The following ASXL3 variants were observed in gnomAD, a reference collection of about 807,000 sequenced individuals.
The protein encoded by ASXL3 is ASXL transcriptional regulator 3.
Under a neutral mutation model 170.6 loss-of-function variants are expected in ASXL3, and 34 were observed. The observed-to-expected ratio is 0.20, with a 90% CI of 0.15 to 0.27. ASXL3 has a LOEUF of 0.27. ASXL3 is among the 10% of genes least tolerant of loss of function. The probability of loss-of-function intolerance (pLI) is 1.00; values close to 1 mark genes in which losing one functional copy is unlikely to be tolerated. For synonymous variants in ASXL3, 1,002 were observed against 989.1 expected (o/e 1.01, Z -0.24); for missense variants, 2,592 against 2,695.3 (o/e 0.96, Z 0.85).
intron 7 of ASXL3, among the ~76,000 whole-genome samples, chr18:33,677,756 T>C (rs1263290911): frequency 6.6e-6 from 1 of 152,220 alleles, no homozygotes; most frequent in Non-Finnish European, 1.5e-5. Flanking sequence ...CATGTAGACT[T>C]TTTACACAAT....
intron 8 of ASXL3, among the ~76,000 whole-genome samples, chr18:33,708,976 T>C (rs2067008867): frequency 6.6e-6 from 1 of 152,184 alleles, no homozygotes; most frequent in African/African-American, 2.4e-5. Context: ...TGGGAAAACA[T>C]ACATGAGGTA....
intron 8 of ASXL3, among the ~76,000 whole-genome samples, chr18:33,714,637 C>G (rs1379128014): frequency 6.6e-6 from 1 of 152,020 alleles, no homozygotes; most frequent in Non-Finnish European, 1.5e-5. Flanking sequence ...ATTCTGTCCA[C>G]GTTTTCCCCA....
In ASXL3 at chr18:33,742,085, G is replaced by A. The variant is rs78592737; in HGVS notation, c.3040-803G>A. 3.1e-3 allele frequency among the ~76,000 whole-genome samples: 468 copies of A among 152,310 alleles called. 8 individuals carry two copies. The highest frequency in any genetic ancestry group is 0.022 in the Admixed American group (335 of 15,304). On this transcript the variant is annotated intron_variant, in intron 11 of 11. Transcript: ENST00000269197. ...CCAATATCAAAAGAAACTGCCCAAT[G>A]CATAAATCCTTTAGAGACAGAAAAT...
chr18:33,598,360 T>A (rs553560725), intron 1 of ASXL3, among the ~76,000 whole-genome samples: 2 of 152,322 alleles, frequency 1.3e-5, no homozygotes, highest in African/African-American at 4.8e-5. Flanking sequence ...ACTTATTATA[T>A]GTCCCATGTT....
intron 8 of ASXL3, among the ~76,000 whole-genome samples, chr18:33,699,255 A>G (rs1166671223): frequency 4.6e-5 from 7 of 152,210 alleles, no homozygotes; most frequent in Non-Finnish European, 1.0e-4. Flanking sequence ...CATTGTAAAT[A>G]TCTTCAGATA....
rs79677435 is a variant in ASXL3 at position 33,647,310 on chromosome 18, G to A, written c.355+957G>A. On this transcript the variant is annotated intron_variant, in intron 4 of 11. Coordinates refer to ENST00000269197, the MANE Select transcript of ASXL3 (RefSeq NM_030632.3). ...ACCCTGTAAGACTGTTACTGCTTCCGTTCCTCTCTGATCTGTAGCAAAGGT... is the reference window on the plus strand; with the variant it reads ...ACCCTGTAAGACTGTTACTGCTTCCATTCCTCTCTGATCTGTAGCAAAGGT... Among the ~76,000 whole-genome samples the A allele has an allele frequency of 2.0e-4, 30 of 152,144 alleles. No homozygotes were observed. The East Asian group carries it at 5.6e-3, about 29-fold the overall frequency.
intron 2 of ASXL3, among the ~76,000 whole-genome samples, chr18:33,644,462 C>G (rs1006223513): frequency 1.5e-4 from 22 of 150,110 alleles, no homozygotes; most frequent in Admixed American, 6.7e-4. Flanking sequence ...TGCTCTTGAA[C>G]TTGGTGGGTT....
In ASXL3 at chr18:33,740,287, A is replaced by C; in HGVS notation, c.2883A>C (p.Ile961=). Residue 961 remains isoleucine (I), a synonymous_variant, in exon 11 of 12, where the codon ATA becomes ATC. Transcript: ENST00000269197. ...GAAATGAAAGTAGAGATTCAGAGAT[A>C]TCAAAGAGAAAAACTGCAGAGCAAC... ...GIRNESRDSE[I]SKRKTAEQHS... is the part of the protein sequence containing the mutation. 2 of 1,612,662 alleles carry C rather than the reference A, an allele frequency of 1.2e-6. No individual in the cohort carries two copies. The highest frequency in any genetic ancestry group is 1.7e-6 in the Non-Finnish European group (2 of 1,179,246).
chr18:33,719,326 C>T (rs1481994794), intron 8 of ASXL3, among the ~76,000 whole-genome samples: 1 of 151,956 alleles, frequency 6.6e-6, no homozygotes, highest in African/African-American at 2.4e-5. Context: ...GAGAGTCCTA[C>T]CTCCACACGC....
At chr18:33,686,851 C>G (rs2066605357) in intron 8 of ASXL3, among the ~76,000 whole-genome samples, 1 of 152,038 alleles carries the variant, frequency 6.6e-6, no homozygotes, top group Non-Finnish European at 1.5e-5. Context: ...GGAAGAGAAT[C>G]CAAAGGATAA....
In ASXL3 at chr18:33,578,494, GCCGCCA is replaced by G. The variant is rs1249097476; in HGVS notation, c.-132_-127del. On this transcript the variant is annotated 5_prime_UTR_variant, in exon 1 of 12. Coordinates refer to ENST00000269197, the MANE Select transcript of ASXL3 (RefSeq NM_030632.3). ...CGCCGCCGCCGCCGCCGCCGCCGCC[GCCGCCA>G]CCGCCCGCGCGCCTCCCCCCGCGGA... 2.0e-5 allele frequency: 6 copies of G among 293,526 alleles called. No homozygotes were observed. Among genetic ancestry groups the G allele is most frequent in the African/African-American group, 2.7e-5 (1 of 37,596 alleles). The allele number at this position is 293,526 out of a possible 1,614,324, so 18.2% of individuals were successfully genotyped here.
At chr18:33,666,373 C>A (rs1258636798) in intron 5 of ASXL3, among the ~76,000 whole-genome samples, 2 of 152,110 alleles carry the variant, frequency 1.3e-5, no homozygotes, top group African/African-American at 4.8e-5. Context: ...ACAGGGCCAC[C>A]ACTAGCTAAT....
Position 33,739,737 on chromosome 18 carries a change from C to T in ASXL3, c.2333C>T (p.Pro778Leu), listed in dbSNP as rs923052080. Residue 778 changes from proline to leucine, a missense_variant, in exon 11 of 12, where the codon CCA becomes CTA. Physicochemically the swap from Pro to Leu is moderately conservative, Grantham distance 98. Around this residue, in one of 4 missense-constraint regions of ASXL3, gnomAD observed 2,246 missense variants for 2,219.6 expected, o/e 1.01. Transcript: ENST00000269197. The part of the protein sequence containing the change: ...QRKSPSVSEE[P>L]LSPQKDESSA... ...AAGTCACCTTCTGTATCTGAAGAGC[C>T]ACTCTCCCCGCAGAAAGATGAGTCT... 1 of 1,613,840 alleles carries T rather than the reference C, an allele frequency of 6.2e-7. No homozygotes were observed.
chr18:33,658,537 G>T (rs916940904), intron 4 of ASXL3, among the ~76,000 whole-genome samples: 2 of 152,124 alleles, frequency 1.3e-5, no homozygotes, highest in Admixed American at 1.3e-4. Context: ...GCCTATGGGT[G>T]AATTGCAAAT....
At chr18:33,676,214 C>A (rs975756284) in intron 7 of ASXL3, among the ~76,000 whole-genome samples, 1 of 45,246 alleles carries the variant, frequency 2.2e-5, no homozygotes, top group African/African-American at 8.1e-5. Flanking sequence ...ACGAGCGAGA[C>A]TCCGTCTCAA....
intron 3 of ASXL3, 57 bp downstream of exon 3, chr18:33,645,059 T>A (rs2065898740): frequency 7.9e-7 from 1 of 1,259,042 alleles, no homozygotes; most frequent in Admixed American, 2.2e-5. Flanking sequence ...TTTTCAGACA[T>A]GTGAAGGTAA....
At chr18:33,626,355 A>C (rs2145162723) in intron 2 of ASXL3, among the ~76,000 whole-genome samples, 1 of 152,200 alleles carries the variant, frequency 6.6e-6, no homozygotes, top group South Asian at 2.1e-4. Context: ...AAGTGCAATC[A>C]GTCTTGAGCT....
chr18:33,729,827 T>G (rs1006154787), intron 8 of ASXL3, among the ~76,000 whole-genome samples: 2 of 152,050 alleles, frequency 1.3e-5, no homozygotes. Flanking sequence ...AGCCATTGGT[T>G]GTCTTGCCCT....
intron 7 of ASXL3, among the ~76,000 whole-genome samples, chr18:33,675,479 A>G (rs1414036481): frequency 1.3e-5 from 2 of 152,216 alleles, no homozygotes; most frequent in Admixed American, 1.3e-4. Context: ...ACCATGCTGA[A>G]TTAAAACAAA....
Sources: gnomAD v4.1 joint callset for allele counts (sites outside exome capture counted in the v4.1 genomes callset) on GRCh38, gnomAD v4.1.1 for gene constraint, gnomAD v4.1.1 regional missense constraint, MANE v1.5 for transcripts, NCBI Gene and HGNC (gene_info 2026-07-23, HGNC 2026-07-21) for gene names.